PTPRD: variants seen among roughly 807,000 people sequenced by gnomAD.
PTPRD encodes the protein protein tyrosine phosphatase receptor type D.
Under a neutral mutation model 214.5 loss-of-function variants are expected in PTPRD, and 34 were observed. The ratio of observed to expected loss-of-function variants is 0.16; its 90% CI spans 0.12 to 0.21. The LOEUF is 0.21. Among genes scored for constraint, PTPRD ranks in the 10% least tolerant of loss-of-function variants. The pLI is 1.00. For synonymous variants in PTPRD, 1,128 were observed against 845.7 expected (o/e 1.33, Z -5.79); for missense variants, 2,545 against 2,398.7 (o/e 1.06, Z -1.27).
intron 8 of PTPRD, among the ~76,000 whole-genome samples, chr9:9,400,870 C>G (rs2070114640): frequency 6.6e-6 from 1 of 151,988 alleles, no homozygotes; most frequent in African/African-American, 2.4e-5. Context: ...TTCAAATAAC[C>G]TTTAGAATTA....
intron 10 of PTPRD, among the ~76,000 whole-genome samples, chr9:9,019,458 A>G (rs543263344): frequency 6.6e-6 from 1 of 152,316 alleles, no homozygotes; most frequent in East Asian, 1.9e-4. Context: ...TTATCCCAGG[A>G]CTTGGGGAGG....
chr9:9,241,838 A>T (rs10977608), intron 9 of PTPRD, among the ~76,000 whole-genome samples: 18,433 of 151,764 alleles, frequency 0.12, 1,238 homozygotes, highest in Middle Eastern at 0.15. Flanking sequence ...CATTTAGCCC[A>T]TTTACACTGA....
At chr9:8,684,429 T>C (rs1304888900) in intron 12 of PTPRD, among the ~76,000 whole-genome samples, 1 of 151,966 alleles carries the variant, frequency 6.6e-6, no homozygotes, top group Non-Finnish European at 1.5e-5. Context: ...CCCAAGTCCC[T>C]CTGACTGCAA....
chr9:8,436,042 G>A (rs561799298), intron 35 of PTPRD, among the ~76,000 whole-genome samples: 38 of 152,226 alleles, frequency 2.5e-4, no homozygotes, highest in African/African-American at 9.2e-4. Context: ...AGTGTATTTG[G>A]CACCTATTTG....
At chr9:8,443,020 C>T (rs1337600235) in intron 34 of PTPRD, among the ~76,000 whole-genome samples, 3 of 152,150 alleles carry the variant, frequency 2.0e-5, no homozygotes, top group African/African-American at 7.2e-5. Context: ...TGGCACATGC[C>T]TGTGGTCCCA....
intron 30 of PTPRD, among the ~76,000 whole-genome samples, chr9:8,476,108 C>T (rs1006430674): frequency 6.6e-6 from 1 of 152,082 alleles, no homozygotes; most frequent in Non-Finnish European, 1.5e-5. Flanking sequence ...TACCCTAGTC[C>T]AGTGGTTCCG....
intron 11 of PTPRD, among the ~76,000 whole-genome samples, chr9:8,752,869 T>A: frequency 6.6e-6 from 1 of 152,178 alleles, no homozygotes; most frequent in East Asian, 1.9e-4. Flanking sequence ...GATAATTAAG[T>A]GGGTACTGGG....
intron 11 of PTPRD, among the ~76,000 whole-genome samples, chr9:8,774,577 C>G (rs1372929200): frequency 7.7e-6 from 1 of 129,728 alleles, no homozygotes; most frequent in South Asian, 2.5e-4. Flanking sequence ...TCTTGTTGCC[C>G]AGGCTGGAGT....
chr9:9,936,738 G>T (rs1481928082), intron 5 of PTPRD, among the ~76,000 whole-genome samples: 3 of 135,746 alleles, frequency 2.2e-5, no homozygotes, highest in African/African-American at 8.5e-5. Flanking sequence ...TATACCCAAA[G>T]GACTATAAAT....
intron 8 of PTPRD, among the ~76,000 whole-genome samples, chr9:9,566,159 C>T (rs1247156952): frequency 6.6e-6 from 1 of 151,824 alleles, no homozygotes; most frequent in African/African-American, 2.4e-5. Context: ...TTAAAATTCT[C>T]ACTAATTACA....
chr9:8,628,511 C>A (rs1236110369), intron 14 of PTPRD, among the ~76,000 whole-genome samples: 1 of 151,260 alleles, frequency 6.6e-6, no homozygotes, highest in African/African-American at 2.4e-5. Context: ...CTTGCAAGAA[C>A]TGACTTGCTG....
chr9:8,366,028 C>T (rs1030204473), intron 39 of PTPRD, among the ~76,000 whole-genome samples: 41 of 152,218 alleles, frequency 2.7e-4, no homozygotes, highest in African/African-American at 8.7e-4. Context: ...ACCCTCCGTT[C>T]TGCCAACTCC....
intron 4 of PTPRD, among the ~76,000 whole-genome samples, chr9:9,962,919 G>A (rs952875619): frequency 8.6e-5 from 13 of 151,872 alleles, no homozygotes; most frequent in African/African-American, 3.1e-4. Context: ...ATAAACTTAC[G>A]TCAAACACTA....
chr9:10,570,924 G>T (rs1256691645), intron 2 of PTPRD, among the ~76,000 whole-genome samples: 1 of 150,886 alleles, frequency 6.6e-6, no homozygotes, highest in African/African-American at 2.4e-5. Flanking sequence ...TCCATATATG[G>T]CTCCTTTACT....
intron 35 of PTPRD, among the ~76,000 whole-genome samples, chr9:8,420,310 T>C (rs1017776296): frequency 6.6e-5 from 10 of 152,204 alleles, no homozygotes; most frequent in Admixed American, 2.0e-4. Flanking sequence ...AATATAAAGC[T>C]GGAAAATTAT....
chr9:9,978,270 T>C (rs954197549), intron 4 of PTPRD, among the ~76,000 whole-genome samples: 5 of 152,054 alleles, frequency 3.3e-5, no homozygotes, highest in African/African-American at 4.8e-5. Context: ...TGCTTTAAAA[T>C]AACTATGTGA....
intron 3 of PTPRD, among the ~76,000 whole-genome samples, chr9:10,184,733 T>C (rs2099320899): frequency 6.6e-6 from 1 of 152,154 alleles, no homozygotes; most frequent in Non-Finnish European, 1.5e-5. Context: ...ATAATTAATA[T>C]GTGGGGGCAG....
At chr9:10,512,027 T>C in intron 2 of PTPRD, among the ~76,000 whole-genome samples, 1 of 57,842 alleles carries the variant, frequency 1.7e-5, no homozygotes, top group African/African-American at 9.9e-5. Flanking sequence ...TGTATATATA[T>C]ATGTATATAT....
intron 4 of PTPRD, among the ~76,000 whole-genome samples, chr9:10,029,230 GC>G: frequency 6.6e-6 from 1 of 152,320 alleles, no homozygotes; most frequent in South Asian, 2.1e-4. Flanking sequence ...GGGGTGGGGT[GC>G]TCATGGAGAA....
Sources: allele counts gnomAD v4.1 joint callset (sites outside exome capture counted in the v4.1 genomes callset), GRCh38; gene constraint gnomAD v4.1.1; transcripts MANE v1.5; gene names NCBI Gene and HGNC (gene_info 2026-07-23, HGNC 2026-07-21).